Variants in ZRANB3 observed in about 807,000 individuals in gnomAD.
ZRANB3 encodes the protein DNA annealing helicase and endonuclease ZRANB3.
Under a neutral mutation model 133.8 loss-of-function variants are expected in ZRANB3, and 125 were observed. The observed-to-expected ratio is 0.93, with a 90% CI of 0.81 to 1.08. The LOEUF (loss-of-function observed/expected upper bound fraction) is 1.08, where lower values mean the gene tolerates loss of function less well. ZRANB3 is among the 50% of genes least tolerant of loss of function. ZRANB3 has a pLI of 0.00. For missense variants in ZRANB3, 1,229 were observed against 1,275.5 expected (o/e 0.96, Z 0.56); for synonymous variants, 387 against 432.7 (o/e 0.89, Z 1.31).
At chr2:135,528,223 A>G (rs1694242322) in intron 1 of ZRANB3, among the ~76,000 whole-genome samples, 1 of 151,450 alleles carries the variant, frequency 6.6e-6, no homozygotes, top group Non-Finnish European at 1.5e-5. Flanking sequence ...ATCACAGCTC[A>G]TTGCAGCTTT....
chr2:135,217,443 T>C lies in ZRANB3; in HGVS notation c.2495+22A>G, dbSNP rs774507857. 1.9e-6 allele frequency: 3 copies of C among 1,576,676 alleles called. No individual in the cohort carries two copies. The South Asian group carries it at 3.6e-5, about 19-fold the overall frequency. ...CCATGAAAAGTAATATAATACAAAA[T>C]TTAAAAAAAGACAACTCATACCTTT... On this transcript the variant is annotated intron_variant, in intron 17 of 20. Coordinates refer to ENST00000264159, the MANE Select transcript of ZRANB3 (RefSeq NM_032143.4).
intron 2 of ZRANB3, among the ~76,000 whole-genome samples, chr2:135,434,148 C>T (rs139628841): frequency 0.045 from 6,772 of 152,040 alleles, 508 homozygotes; most frequent in African/African-American, 0.16. Flanking sequence ...GGCAACAGAG[C>T]GAGAGACTCC....
At chr2:135,443,055 G>A (rs1361808434) in intron 2 of ZRANB3, among the ~76,000 whole-genome samples, 2 of 151,630 alleles carry the variant, frequency 1.3e-5, no homozygotes, top group African/African-American at 2.4e-5. Context: ...AGTTGAGCTT[G>A]CAGTGAGCCA....
chr2:135,306,454 ATTT>A (rs571813342), intron 8 of ZRANB3, among the ~76,000 whole-genome samples: 3 of 141,456 alleles, frequency 2.1e-5, no homozygotes, highest in African/African-American at 7.8e-5. Context: ...CGCCCGGCTA[ATTT>A]TTTTTTTTGT....
intron 2 of ZRANB3, among the ~76,000 whole-genome samples, chr2:135,434,783 T>C (rs556593721): frequency 1.3e-5 from 2 of 152,182 alleles, no homozygotes; most frequent in Non-Finnish European, 1.5e-5. Context: ...AAGGTGCACA[T>C]TATATATGCA....
chr2:135,381,376 C>G (rs991650780), intron 3 of ZRANB3, among the ~76,000 whole-genome samples: 2 of 152,206 alleles, frequency 1.3e-5, no homozygotes, highest in Non-Finnish European at 2.9e-5. Flanking sequence ...GCGGAGCCCA[C>G]GGCAGTTCAA....
At chr2:135,362,922 G>A (rs1327876224) in intron 3 of ZRANB3, among the ~76,000 whole-genome samples, 1 of 152,140 alleles carries the variant, frequency 6.6e-6, no homozygotes, top group Non-Finnish European at 1.5e-5. Flanking sequence ...GGAATAAAAT[G>A]TCATCAACTG....
Position 135,315,509 on chromosome 2 carries a change from C to T in ZRANB3, c.699G>A (p.Gln233=). The T allele has an allele frequency of 6.5e-7, 1 of 1,543,706 alleles. No individual in the cohort carries two copies. Among genetic ancestry groups the T allele is most frequent in the Non-Finnish European group, 8.7e-7 (1 of 1,151,626 alleles). The change falls in exon 7 of 21, where the codon CAG becomes CAA. Residue 233 remains glutamine, a synonymous_variant. Transcript: ENST00000264159. Reference sequence around the variant, plus strand: ...GATTTGATGCCCCTCTACAATCCCACTGAGGTCTTTTACCAAAATATCTGT... The same window carrying T: ...GATTTGATGCCCCTCTACAATCCCATTGAGGTCTTTTACCAAAATATCTGT... The part of the protein sequence containing the change: ...AHIRYFGKRP[Q]WDCRGASNLN...
intron 8 of ZRANB3, among the ~76,000 whole-genome samples, chr2:135,294,212 A>T (rs959821589): frequency 2.6e-5 from 4 of 152,196 alleles, no homozygotes; most frequent in Non-Finnish European, 5.9e-5. Context: ...TTGGATATGA[A>T]TCCATCTGGT....
intron 2 of ZRANB3, among the ~76,000 whole-genome samples, chr2:135,441,854 A>T (rs1040900486): frequency 1.3e-5 from 2 of 152,198 alleles, no homozygotes; most frequent in Non-Finnish European, 2.9e-5. Context: ...TTTTAACACA[A>T]AAGAATGGAG....
chr2:135,456,236 G>A (rs1690514233), intron 2 of ZRANB3, among the ~76,000 whole-genome samples: 1 of 152,178 alleles, frequency 6.6e-6, no homozygotes, highest in African/African-American at 2.4e-5. Context: ...TTGCTGATTT[G>A]CAAGCAGTTC....
chr2:135,467,280 C>A lies in ZRANB3; in HGVS notation c.161+37049G>T, dbSNP rs927044534. On this transcript the variant is annotated intron_variant, in intron 2 of 20. Transcript: ENST00000264159. ...CTCTCTTAAGACTCCCAAATACCAA[C>A]CCCTCCTTGTCCATATCTACAGTTA... Among the ~76,000 whole-genome samples, 31 of 152,180 alleles carry A rather than the reference C, an allele frequency of 2.0e-4. 1 individual carries two copies. Among genetic ancestry groups the A allele is most frequent in the Non-Finnish European group, 3.5e-4 (24 of 68,042 alleles).
intron 6 of ZRANB3, among the ~76,000 whole-genome samples, chr2:135,321,474 AT>A (rs34493241): frequency 0.24 from 32,280 of 133,750 alleles, 5,094 homozygotes; most frequent in African/African-American, 0.51. Context: ...GAGTTTTGGG[AT>A]TTTTTTTTTT....
At chr2:135,225,439 T>C (rs1204491917) in intron 14 of ZRANB3, among the ~76,000 whole-genome samples, 6 of 152,254 alleles carry the variant, frequency 3.9e-5, no homozygotes, top group Admixed American at 6.5e-5. Flanking sequence ...TTATGAATTA[T>C]TCCCTTATTT....
intron 20 of ZRANB3, 165 bp downstream of exon 20, chr2:135,202,667 C>T (rs771679002): frequency 3.8e-5 from 27 of 719,028 alleles, no homozygotes; most frequent in African/African-American, 1.1e-4. Flanking sequence ...ATCTGTGACA[C>T]GGGCCTTGAG....
At chr2:135,313,373 G>C in intron 8 of ZRANB3, 116 bp downstream of exon 8, 1 of 581,484 alleles carries the variant, frequency 1.7e-6, no homozygotes, top group East Asian at 3.2e-5. Context: ...AAAAAAAAGA[G>C]TTAAACAATA....
chr2:135,281,704 T>C (rs527771867), intron 8 of ZRANB3, among the ~76,000 whole-genome samples: 1 of 152,310 alleles, frequency 6.6e-6, no homozygotes, highest in Admixed American at 6.5e-5. Flanking sequence ...TGGGATACAA[T>C]TCACATACCA....
Position 135,201,578 on chromosome 2 carries a change from C to T in ZRANB3, c.3142-1138G>A, listed in dbSNP as rs185619137. Among the ~76,000 whole-genome samples the T allele has an allele frequency of 6.6e-5, 10 of 150,792 alleles. No homozygotes were observed. In the East Asian group the frequency reaches 1.2e-3, roughly 18 times the overall value. ...TGAGGTAGGAGAATCAGCTTGAACC[C>T]GGGAGGCAGAGGTTGCAGTGAGCCG... On this transcript the variant is annotated intron_variant, in intron 20 of 20. Transcript: ENST00000264159.
intron 8 of ZRANB3, among the ~76,000 whole-genome samples, chr2:135,308,656 A>G (rs1441601050): frequency 6.6e-6 from 1 of 152,084 alleles, no homozygotes; most frequent in Non-Finnish European, 1.5e-5. Flanking sequence ...AATAGAGACG[A>G]GGTCTTCCTC....
Sources: gnomAD v4.1 joint callset for allele counts (sites outside exome capture counted in the v4.1 genomes callset) on GRCh38, gnomAD v4.1.1 for gene constraint, MANE v1.5 for transcripts, NCBI Gene and HGNC (gene_info 2026-07-23, HGNC 2026-07-21) for gene names.